Variants in GPC3 observed in about 807,000 individuals in gnomAD.
GPC3 encodes the protein glypican 3.
Under a neutral mutation model 34.4 loss-of-function variants are expected in GPC3, and 3 were observed. The observed-to-expected ratio is 0.09, with a 90% CI of 0.04 to 0.23. The LOEUF (loss-of-function observed/expected upper bound fraction) is 0.23. Ranked by LOEUF, GPC3 falls within the 10% of genes least tolerant of loss-of-function variation. The pLI, the probability that GPC3 is intolerant of heterozygous loss-of-function variation, is 1.00. For missense variants in GPC3, 351 were observed against 445.6 expected, an observed-to-expected ratio of 0.79 and a Z score of 1.91; for synonymous variants, 177 against 174.0, an observed-to-expected ratio of 1.02 and a Z score of -0.13.
At chrX:133,623,711 G>A (rs1266302223) in intron 6 of GPC3, among the ~76,000 whole-genome samples, 1 of 111,403 alleles carries the variant, frequency 9.0e-6, no homozygotes, top group African/African-American at 3.3e-5. Context: ...ATAATAATGG[G>A]AGACTTTAAC....
At chrX:133,946,827 G>A (rs1208101735) in intron 2 of GPC3, among the ~76,000 whole-genome samples, 2 of 111,172 alleles carry the variant, frequency 1.8e-5, no homozygotes, top group African/African-American at 6.6e-5. Flanking sequence ...ATGTGAAGAA[G>A]GATGCAGGAA....
At chrX:133,611,175 A>G (rs143193428) in intron 6 of GPC3, among the ~76,000 whole-genome samples, 1,318 of 106,671 alleles carry the variant, frequency 0.012, 23 homozygotes, top group African/African-American at 0.043. Context: ...ACCTTGCCAA[A>G]TAACAGGCTA....
chrX:133,626,641 C>A (rs1170033775), intron 6 of GPC3, among the ~76,000 whole-genome samples: 1 of 108,795 alleles, frequency 9.2e-6, no homozygotes, highest in Non-Finnish European at 1.9e-5. Flanking sequence ...GTTAGAATGG[C>A]GATCATTAAA....
chrX:133,904,016 C>T (rs1261489096), intron 2 of GPC3, among the ~76,000 whole-genome samples: 1 of 112,150 alleles, frequency 8.9e-6, no homozygotes, highest in Non-Finnish European at 1.9e-5. Context: ...CCCTGAGCAA[C>T]AGCCGTGCCA....
chrX:133,869,949 C>T (rs754413395), intron 2 of GPC3, among the ~76,000 whole-genome samples: 10 of 111,524 alleles, frequency 9.0e-5, no homozygotes, highest in South Asian at 7.6e-4. Flanking sequence ...AGCGAGAGTC[C>T]GTCTCAAAAA....
chrX:133,628,941 T>C (rs1329164729), intron 6 of GPC3, among the ~76,000 whole-genome samples: 1 of 111,389 alleles, frequency 9.0e-6, no homozygotes, highest in Non-Finnish European at 1.9e-5. Flanking sequence ...ACCAAGTAAT[T>C]CTGGTGGATG....
chrX:133,833,043 T>C (rs1024644589), intron 2 of GPC3, among the ~76,000 whole-genome samples: 17 of 111,994 alleles, frequency 1.5e-4, no homozygotes, highest in Non-Finnish European at 3.0e-4. Flanking sequence ...GCCAGAAAAA[T>C]TAATTGGGTG....
intron 5 of GPC3, among the ~76,000 whole-genome samples, chrX:133,689,564 A>G (rs932064407): frequency 3.8e-4 from 43 of 112,074 alleles, no homozygotes; most frequent in Admixed American, 5.7e-4. Flanking sequence ...TTTACAATTA[A>G]CTAAAACTGG....
At chrX:133,636,019 T>C (rs138065309) in intron 6 of GPC3, among the ~76,000 whole-genome samples, 2,878 of 111,215 alleles carry the variant, frequency 0.026, 44 homozygotes, top group Non-Finnish European at 0.041. Flanking sequence ...CTGGAATACC[T>C]GGGCTTGCAT....
chrX:133,926,801 C>G (rs1348108207), intron 2 of GPC3, among the ~76,000 whole-genome samples: 1 of 107,553 alleles, frequency 9.3e-6, no homozygotes, highest in Non-Finnish European at 1.9e-5. Context: ...CCTGCCACCG[C>G]CCCGGCAAAT....
chrX:133,914,044 G>GT (rs2076212722), intron 2 of GPC3, among the ~76,000 whole-genome samples: 2 of 110,902 alleles, frequency 1.8e-5, no homozygotes, highest in African/African-American at 6.6e-5. Context: ...AAGCAGAGAG[G>GT]TTTTCTAAAA....
intron 2 of GPC3, among the ~76,000 whole-genome samples, chrX:133,840,271 G>T (rs2075818364): frequency 9.0e-6 from 1 of 111,346 alleles, no homozygotes; most frequent in African/African-American, 3.3e-5. Flanking sequence ...GACCTTTGGA[G>T]TTTCCTCTAA....
intron 5 of GPC3, among the ~76,000 whole-genome samples, chrX:133,668,279 A>G (rs1267527819): frequency 1.8e-5 from 2 of 111,829 alleles, no homozygotes; most frequent in Non-Finnish European, 3.8e-5. Flanking sequence ...TGAGGATGTG[A>G]ACATGAATGT....
intron 1 of GPC3, among the ~76,000 whole-genome samples, chrX:133,956,176 T>C (rs1289809483): frequency 8.9e-6 from 1 of 111,935 alleles, no homozygotes; most frequent in Non-Finnish European, 1.9e-5. Flanking sequence ...GATGGAAAGG[T>C]GATATTTAAT....
chrX:133,914,368 C>T (rs2076213913), intron 2 of GPC3, among the ~76,000 whole-genome samples: 1 of 111,285 alleles, frequency 9.0e-6, no homozygotes, highest in Non-Finnish European at 1.9e-5. Flanking sequence ...ATTCAGAGCC[C>T]CTGGGCTAAC....
intron 2 of GPC3, among the ~76,000 whole-genome samples, chrX:133,784,655 A>T (rs766053588): frequency 2.1e-4 from 24 of 112,498 alleles, no homozygotes; most frequent in South Asian, 7.4e-4. Flanking sequence ...ATGTAAGGAA[A>T]TTGTTATTGT....
intron 2 of GPC3, among the ~76,000 whole-genome samples, chrX:133,851,837 T>C (rs751032551): frequency 8.9e-6 from 1 of 112,421 alleles, no homozygotes; most frequent in East Asian, 2.8e-4. Flanking sequence ...CTAGGATTTC[T>C]AAATTGCTCA....
chrX:133,582,741 C>T (rs759329600), intron 7 of GPC3, among the ~76,000 whole-genome samples: 1 of 111,530 alleles, frequency 9.0e-6, no homozygotes, highest in African/African-American at 3.3e-5. Context: ...AACTCTGGGT[C>T]CTTCATCATA....
intron 7 of GPC3, among the ~76,000 whole-genome samples, chrX:133,547,266 T>C (rs2069394677): frequency 8.9e-6 from 1 of 111,812 alleles, no homozygotes; most frequent in African/African-American, 3.3e-5. Context: ...TATATATGTA[T>C]ATTTTACCTC....
Sources: allele counts gnomAD v4.1 joint callset (sites outside exome capture counted in the v4.1 genomes callset), GRCh38; gene constraint gnomAD v4.1.1; transcripts MANE v1.5; gene names NCBI Gene and HGNC (gene_info 2026-07-23, HGNC 2026-07-21).